MAS1: variants seen among roughly 807,000 people sequenced by gnomAD.
The protein encoded by MAS1 is proto-oncogene Mas.
For missense variants in MAS1, 387 were observed against 409.7 expected (o/e 0.94, Z 0.48); for synonymous variants, 163 against 164.2 (o/e 0.99, Z 0.05).
chr6:159,897,764 T>G (rs940629673), intron 1 of MAS1, among the ~76,000 whole-genome samples: 1 of 152,186 alleles, frequency 6.6e-6, no homozygotes, highest in African/African-American at 2.4e-5. Context: ...GGGTAATCAT[T>G]TTTTTGATGG....
Position 159,893,530 on chromosome 6 carries a change from G to C in MAS1, c.-244+2397G>C, listed in dbSNP as rs116624449. Among the ~76,000 whole-genome samples the C allele has an allele frequency of 2.8e-3, 431 of 152,282 alleles. 3 individuals carry two copies. The highest frequency in any genetic ancestry group is 1.0e-2 in the African/African-American group (415 of 41,554). ...GGTTGATCAAATGAGTAAATGCATA[G>C]AGGGCCAAGGGAGCCAGGTTTCTCA... On this transcript the variant is annotated intron_variant, in intron 1 of 2. Transcript: ENST00000674077.
chr6:159,893,512 C>A (rs1057271811), intron 1 of MAS1, among the ~76,000 whole-genome samples: 2 of 152,112 alleles, frequency 1.3e-5, no homozygotes, highest in Middle Eastern at 3.4e-3. Flanking sequence ...GTGGGTTGAT[C>A]AAATGAGTAA....
At chr6:159,890,864 G>A (rs543816566), upstream of MAS1, among the ~76,000 whole-genome samples, 11 of 152,358 alleles carry the variant, frequency 7.2e-5, no homozygotes, top group South Asian at 2.3e-3. Flanking sequence ...CCCCGCTCTG[G>A]ATTGGCGTGA....
At chr6:159,893,162 C>T (rs992806003) in intron 1 of MAS1, among the ~76,000 whole-genome samples, 3 of 152,250 alleles carry the variant, frequency 2.0e-5, no homozygotes, top group Admixed American at 2.0e-4. Context: ...TTAAGTCCTA[C>T]TTTCCACCAT....
At chr6:159,901,021 G>A (rs537095267) in intron 2 of MAS1, among the ~76,000 whole-genome samples, 12 of 152,180 alleles carry the variant, frequency 7.9e-5, no homozygotes, top group Non-Finnish European at 1.8e-4. Flanking sequence ...TCGAGGCACC[G>A]TCAGGGCTGG....
In MAS1 at chr6:159,911,916, A is replaced by T. The variant is rs148313342; in HGVS notation, c.*3983A>T. 6.6e-6 allele frequency: 1 copy of T among 151,652 alleles called. No individual in the cohort carries two copies. The highest frequency in any genetic ancestry group is 1.9e-4 in the East Asian group (1 of 5,168). The allele number at this position is 151,652 out of a possible 1,614,324, so 9.4% of individuals were successfully genotyped here. ...TGGCTAAGGTGATACCCTGGCTAAG[A>T]TGCTCCAACCCCTTCCCCTGTTGCC... On this transcript the variant is annotated 3_prime_UTR_variant, in exon 3 of 3. Transcript: ENST00000674077.
chr6:159,895,250 G>T (rs773509624), intron 1 of MAS1, among the ~76,000 whole-genome samples: 1 of 152,160 alleles, frequency 6.6e-6, no homozygotes, highest in Non-Finnish European at 1.5e-5. Flanking sequence ...TCCAGGCTCT[G>T]CTGCTGCCTT....
chr6:159,904,160 C>A (rs1562311323), intron 2 of MAS1, among the ~76,000 whole-genome samples: 1 of 152,156 alleles, frequency 6.6e-6, no homozygotes, highest in Non-Finnish European at 1.5e-5. Flanking sequence ...ATCTCCCCAG[C>A]CTCTAACTTT....
chr6:159,893,327 G>A (rs1021565950), intron 1 of MAS1, among the ~76,000 whole-genome samples: 1 of 152,324 alleles, frequency 6.6e-6, no homozygotes, highest in South Asian at 2.1e-4. Flanking sequence ...CTGCATGGGG[G>A]GTACAGGGAA....
chr6:159,903,077 G>A (rs1052933217), intron 2 of MAS1, among the ~76,000 whole-genome samples: 5 of 152,012 alleles, frequency 3.3e-5, no homozygotes, highest in Middle Eastern at 3.2e-3. Flanking sequence ...TAAGCGTCAC[G>A]TTCTCCAGCC....
intron 2 of MAS1, among the ~76,000 whole-genome samples, chr6:159,900,324 A>G (rs893355768): frequency 1.3e-5 from 2 of 152,140 alleles, no homozygotes. Context: ...CCCAACCTCA[A>G]ATATCCCCGT....
upstream of MAS1, among the ~76,000 whole-genome samples, chr6:159,890,745 G>A (rs1032478370): frequency 5.3e-5 from 8 of 152,208 alleles, no homozygotes; most frequent in African/African-American, 1.7e-4. Flanking sequence ...TACTACACAT[G>A]CGGTTTTGCC....
chr6:159,897,937 G>C (rs975584922), intron 1 of MAS1, among the ~76,000 whole-genome samples: 5 of 151,966 alleles, frequency 3.3e-5, no homozygotes, highest in African/African-American at 1.2e-4. Flanking sequence ...CTGTTGGCCA[G>C]GCTAGAGTGC....
chr6:159,906,928 C>G lies in MAS1; in HGVS notation c.-28C>G. ...TCTGGACATATTTACAGAAAATTACCTGAAGAGTTCCAACCTGAGGCCTCC... is the reference window on the plus strand; with the variant it reads ...TCTGGACATATTTACAGAAAATTACGTGAAGAGTTCCAACCTGAGGCCTCC... On this transcript the variant is annotated 5_prime_UTR_variant, in exon 3 of 3. Coordinates refer to ENST00000674077, the MANE Select transcript of MAS1 (RefSeq NM_002377.4). 6.4e-7 allele frequency: 1 copy of G among 1,551,874 alleles called. No individual in the cohort carries two copies. The highest frequency in any genetic ancestry group is 8.7e-7 in the Non-Finnish European group (1 of 1,146,286).
chr6:159,901,084 C>T (rs907151338), intron 2 of MAS1, among the ~76,000 whole-genome samples: 10 of 152,144 alleles, frequency 6.6e-5, no homozygotes, highest in African/African-American at 9.7e-5. Flanking sequence ...TCCCTCTGTC[C>T]GTACATGGCT....
chr6:159,895,630 A>G (rs906693341), intron 1 of MAS1, among the ~76,000 whole-genome samples: 1 of 152,230 alleles, frequency 6.6e-6, no homozygotes, highest in Non-Finnish European at 1.5e-5. Flanking sequence ...AGAATGTCCA[A>G]CCTCATTAGG....
chr6:159,893,954 G>A (rs1160584704), intron 1 of MAS1, among the ~76,000 whole-genome samples: 1 of 152,120 alleles, frequency 6.6e-6, no homozygotes, highest in Non-Finnish European at 1.5e-5. Flanking sequence ...AAGGCTATTA[G>A]GCATATTGGA....
At chr6:159,900,002 C>T (rs111786772) in intron 2 of MAS1, among the ~76,000 whole-genome samples, 3,379 of 152,068 alleles carry the variant, frequency 0.022, 118 homozygotes, top group African/African-American at 0.076. Context: ...GACGAGATCG[C>T]GACACTGCAG....
At chr6:159,889,336 G>A (rs1025108798), upstream of MAS1, among the ~76,000 whole-genome samples, 1 of 152,210 alleles carries the variant, frequency 6.6e-6, no homozygotes, top group African/African-American at 2.4e-5. Context: ...TGGTCACTCT[G>A]CGCAGGGTTT....
Sources: gnomAD v4.1 joint callset for allele counts (sites outside exome capture counted in the v4.1 genomes callset) on GRCh38, gnomAD v4.1.1 for gene constraint, MANE v1.5 for transcripts, NCBI Gene and HGNC (gene_info 2026-07-23, HGNC 2026-07-21) for gene names.